PDE4B: variants seen among roughly 807,000 people sequenced by gnomAD.
PDE4B encodes phosphodiesterase 4B.
In PDE4B, 20 loss-of-function variants were observed where a neutral mutation model predicts 82.2. The ratio of observed to expected loss-of-function variants is 0.24; its 90% CI spans 0.17 to 0.35. The LOEUF is 0.35. Among genes scored for constraint, PDE4B ranks in the 10% least tolerant of loss-of-function variants. PDE4B has a pLI of 1.00. For missense variants in PDE4B, 655 were observed against 907.2 expected, an observed-to-expected ratio of 0.72 and a Z score of 3.57; for synonymous variants, 320 against 318.9, an observed-to-expected ratio of 1.00 and a Z score of -0.04.
chr1:66,009,518 G>C (rs898622917), intron 3 of PDE4B, among the ~76,000 whole-genome samples: 1 of 152,100 alleles, frequency 6.6e-6, no homozygotes, highest in Non-Finnish European at 1.5e-5. Context: ...CAATGTGCAT[G>C]TACCATGCCT....
At chr1:65,879,914 A>T (rs1646691239) in intron 1 of PDE4B, among the ~76,000 whole-genome samples, 1 of 152,192 alleles carries the variant, frequency 6.6e-6, no homozygotes. Context: ...TTCTTGGTCT[A>T]TGTATCATTC....
chr1:66,111,820 T>C (rs576210740), intron 3 of PDE4B, among the ~76,000 whole-genome samples: 81 of 152,222 alleles, frequency 5.3e-4, no homozygotes, highest in Non-Finnish European at 6.6e-4. Context: ...AGATTAGGTA[T>C]TTTTGTCTTG....
At chr1:66,244,915 G>A (rs1331721740) in intron 3 of PDE4B, among the ~76,000 whole-genome samples, 1 of 152,172 alleles carries the variant, frequency 6.6e-6, no homozygotes, top group Non-Finnish European at 1.5e-5. Flanking sequence ...GGGACAGAAT[G>A]CCTATGACAC....
chr1:66,313,079 A>G (rs1199473888), intron 7 of PDE4B, among the ~76,000 whole-genome samples: 3 of 152,178 alleles, frequency 2.0e-5, no homozygotes, highest in Admixed American at 2.0e-4. Flanking sequence ...ATCAATTACC[A>G]TAAAATTATT....
At chr1:66,174,538 A>C (rs557978077) in intron 3 of PDE4B, among the ~76,000 whole-genome samples, 20 of 152,122 alleles carry the variant, frequency 1.3e-4, no homozygotes, top group African/African-American at 4.1e-4. Context: ...CGGGCGGATC[A>C]CAAGGTCAGG....
chr1:66,065,161 CTT>C (rs1210346646), intron 3 of PDE4B, among the ~76,000 whole-genome samples: 1 of 151,740 alleles, frequency 6.6e-6, no homozygotes, highest in Non-Finnish European at 1.5e-5. Flanking sequence ...AAAGAAATCA[CTT>C]ATGGTATTAT....
chr1:66,018,928 A>G (rs1652931501), intron 3 of PDE4B, among the ~76,000 whole-genome samples: 1 of 152,216 alleles, frequency 6.6e-6, no homozygotes, highest in African/African-American at 2.4e-5. Flanking sequence ...CCATAATTTT[A>G]TATTTTATAA....
At chr1:65,902,908 T>C (rs1646987637) in intron 1 of PDE4B, among the ~76,000 whole-genome samples, 2 of 152,162 alleles carry the variant, frequency 1.3e-5, no homozygotes, top group South Asian at 4.1e-4. Flanking sequence ...TCTGCAGATA[T>C]AGGCACTGTA....
At chr1:66,223,980 A>G (rs1337141945) in intron 3 of PDE4B, among the ~76,000 whole-genome samples, 1 of 152,176 alleles carries the variant, frequency 6.6e-6, no homozygotes, top group Non-Finnish European at 1.5e-5. Context: ...CCCTGGTCTT[A>G]TAGTTATTTG....
intron 7 of PDE4B, among the ~76,000 whole-genome samples, chr1:66,276,124 C>T (rs1255623226): frequency 2.0e-5 from 3 of 152,188 alleles, no homozygotes; most frequent in Non-Finnish European, 2.9e-5. Context: ...TGTCCAAAGC[C>T]CACATGTGTG....
chr1:66,328,734 G>C (rs1029321721), intron 7 of PDE4B, among the ~76,000 whole-genome samples: 3 of 152,130 alleles, frequency 2.0e-5, no homozygotes. Flanking sequence ...TGTGACCATT[G>C]CTGCCCTCCA....
intron 7 of PDE4B, among the ~76,000 whole-genome samples, chr1:66,302,199 A>T (rs139268162): frequency 6.6e-6 from 1 of 152,302 alleles, no homozygotes; most frequent in Non-Finnish European, 1.5e-5. Flanking sequence ...ATGGAAAAGC[A>T]CAGTTCATCC....
intron 7 of PDE4B, among the ~76,000 whole-genome samples, chr1:66,325,982 T>C (rs879461126): frequency 2.0e-5 from 3 of 152,210 alleles, no homozygotes; most frequent in African/African-American, 2.4e-5. Context: ...AATGGCACAG[T>C]TATGATTTAT....
intron 3 of PDE4B, among the ~76,000 whole-genome samples, chr1:65,959,294 A>G (rs1250460794): frequency 6.6e-6 from 1 of 152,196 alleles, no homozygotes; most frequent in Non-Finnish European, 1.5e-5. Context: ...TGAGAAGACT[A>G]GGTACTGTTG....
intron 1 of PDE4B, among the ~76,000 whole-genome samples, chr1:65,870,315 A>C (rs1646558776): frequency 6.6e-6 from 1 of 152,170 alleles, no homozygotes; most frequent in African/African-American, 2.4e-5. Flanking sequence ...CTGGATGCTC[A>C]CAACAGCACT....
chr1:65,822,777 C>A (rs980075045), intron 1 of PDE4B, among the ~76,000 whole-genome samples: 3 of 152,140 alleles, frequency 2.0e-5, no homozygotes, highest in Non-Finnish European at 2.9e-5. Flanking sequence ...ACAGAGAGAT[C>A]CAACCCTCAC....
chr1:66,221,223 T>C (rs917859358), intron 3 of PDE4B, among the ~76,000 whole-genome samples: 1 of 152,040 alleles, frequency 6.6e-6, no homozygotes, highest in African/African-American at 2.4e-5. Context: ...TAAAGAGAAA[T>C]TCCAGCCATT....
At chr1:66,037,774 A>G (rs1654147024) in intron 3 of PDE4B, among the ~76,000 whole-genome samples, 1 of 152,154 alleles carries the variant, frequency 6.6e-6, no homozygotes, top group Non-Finnish European at 1.5e-5. Context: ...TTTCAACAAT[A>G]AAAATGTTTT....
At chr1:66,082,641 A>AATATATATAT (rs67481716) in intron 3 of PDE4B, among the ~76,000 whole-genome samples, 1,534 of 147,858 alleles carry the variant, frequency 0.01, 20 homozygotes, top group East Asian at 0.033. Flanking sequence ...GGATTGAAAT[A>AATATATATAT]ATATATATAT....
Sources: allele counts gnomAD v4.1 joint callset (sites outside exome capture counted in the v4.1 genomes callset), GRCh38; gene constraint gnomAD v4.1.1; transcripts MANE v1.5; gene names NCBI Gene and HGNC (gene_info 2026-07-23, HGNC 2026-07-21).